ECM1: variants seen among roughly 807,000 people sequenced by gnomAD.
The protein encoded by ECM1 is secretory component p85.
In ECM1, 54 loss-of-function variants were observed where a neutral mutation model predicts 57.9. That is an observed-to-expected ratio of 0.93 (90% CI 0.75 to 1.17). The LOEUF (loss-of-function observed/expected upper bound fraction) is 1.17. ECM1 is among the 50% of genes most tolerant of loss of function. The probability of loss-of-function intolerance (pLI) is 0.00; values close to 1 mark genes in which losing one functional copy is unlikely to be tolerated. For missense variants in ECM1, 649 were observed against 688.1 expected, an observed-to-expected ratio of 0.94 and a Z score of 0.64; for synonymous variants, 237 against 259.1, an observed-to-expected ratio of 0.91 and a Z score of 0.82.
At chr1:150,508,354 G>T in intron 1 of ECM1, 75 bp downstream of exon 1, 1 of 1,360,054 alleles carries the variant, frequency 7.4e-7, no homozygotes, top group South Asian at 1.2e-5. Context: ...CATCCCAGAC[G>T]GCTCATCACT....
Position 150,513,652 on chromosome 1 carries a change from C to G in ECM1, c.*185C>G, listed in dbSNP as rs993603994. On this transcript the variant is annotated 3_prime_UTR_variant, in exon 10 of 10. Coordinates refer to ENST00000369047, the MANE Select transcript of ECM1 (RefSeq NM_004425.4). ...GAGGGCACTGGCGTTTTCAGACACA[C>G]CACAGACAAACACACCCTCCTAAGC... 1 of 602,988 alleles carries G rather than the reference C, an allele frequency of 1.7e-6. No individual in the cohort carries two copies. Among genetic ancestry groups the G allele is most frequent in the African/African-American group, 1.9e-5 (1 of 53,830 alleles). 37.4% of individuals were successfully genotyped at this position (602,988 alleles called of 1,614,324 possible). A position where few individuals can be genotyped will look rare whatever the true frequency, so the allele number is the denominator to read the frequency against.
In ECM1 at chr1:150,509,652, T is replaced by A; in HGVS notation, c.122-9T>A. The A allele has an allele frequency of 6.2e-7, 1 of 1,613,860 alleles. No homozygotes were observed. The highest frequency in any genetic ancestry group is 8.5e-7 in the Non-Finnish European group (1 of 1,179,862). On this transcript the variant is annotated splice_polypyrimidine_tract_variant and intron_variant, in intron 2 of 9. Transcript: ENST00000369047. The stretch of plus-strand genomic sequence containing the variant: ...CTGTGGGCTCTGATGTCTCCCCTCT[T>A]GCTTCTAGTTGGCTACGCAGCTCCC...
chr1:150,509,112 A>T (rs764305864), intron 1 of ECM1, among the ~76,000 whole-genome samples: 1 of 152,152 alleles, frequency 6.6e-6, no homozygotes. Flanking sequence ...GGGTGGGTGG[A>T]GGAGGTGGAT....
Position 150,512,402 on chromosome 1 carries a change from C to G in ECM1, c.1134C>G (p.Thr378=). 6.2e-7 allele frequency: 1 copy of G among 1,613,310 alleles called. No homozygotes were observed. The highest frequency in any genetic ancestry group is 2.2e-5 in the East Asian group (1 of 44,836). Residue 378 remains threonine (T), a synonymous_variant, in exon 8 of 10, where the codon ACC becomes ACG. Coordinates refer to ENST00000369047, the MANE Select transcript of ECM1 (RefSeq NM_004425.4). ...KYCDREYAVK[T]HHHLCCRHPP... is the part of the protein sequence containing the mutation. ...GTGACCGGGAGTATGCTGTGAAGAC[C>G]CACCACCACTTGTGTTGCCGCCACC...
intron 5 of ECM1, 152 bp from the exon 6 acceptor site, chr1:150,510,724 A>G (rs888447520): frequency 2.4e-6 from 2 of 827,074 alleles, no homozygotes; most frequent in Non-Finnish European, 4.0e-6. Flanking sequence ...CAGTTATTTT[A>G]AAAGGAAGAG....
rs368594405 is a variant in ECM1, at chr1:150,511,925, C to T, written c.1083+94C>T. On this transcript the variant is annotated intron_variant, in intron 7 of 9. Transcript: ENST00000369047. ...CCAGTCCATCCATCCATGTACCCCC[C>T]CTGCTGTGAGTGCGTCCACCCGTTC... 210 of 1,084,114 alleles carry T rather than the reference C, an allele frequency of 1.9e-4. No homozygotes were observed. The African/African-American group carries it at 3.1e-3, about 16-fold the overall frequency. The allele number at this position is 1,084,114 out of a possible 1,614,324, so 67.2% of individuals were successfully genotyped here. A position where few individuals can be genotyped will look rare whatever the true frequency, so the allele number is the denominator to read the frequency against.
chr1:150,509,142 T>TA (rs1290433408), intron 1 of ECM1, among the ~76,000 whole-genome samples: 3 of 152,108 alleles, frequency 2.0e-5, no homozygotes, highest in Non-Finnish European at 2.9e-5. Context: ...TCCAACCAGC[T>TA]CAAGGTCCAG....
At position 150,511,576 on chromosome 1, in the gene ECM1, G is replaced by A; in HGVS notation, c.828G>A (p.Gln276=). The change falls in exon 7 of 10, where the codon CAG becomes CAA. Residue 276 remains glutamine, a synonymous_variant. Coordinates refer to ENST00000369047, the MANE Select transcript of ECM1 (RefSeq NM_004425.4). ...CCTGCTTCCAGGAGGAAGCTCCCCA[G>A]CCACACTACCAGCTCCGGGCCTGCC... ...RFSCFQEEAP[Q]PHYQLRACPS... The A allele has an allele frequency of 6.2e-7, 1 of 1,614,144 alleles. No individual in the cohort carries two copies. Among genetic ancestry groups the A allele is most frequent in the Non-Finnish European group, 8.5e-7 (1 of 1,180,026 alleles).
In ECM1 at chr1:150,513,472, C is replaced by T; in HGVS notation, c.*5C>T. 1 of 1,611,700 alleles carries T rather than the reference C, an allele frequency of 6.2e-7. No individual in the cohort carries two copies. The highest frequency in any genetic ancestry group is 1.3e-5 in the African/African-American group (1 of 75,028). On this transcript the variant is annotated 3_prime_UTR_variant, in exon 10 of 10. Transcript: ENST00000369047. ...TCTGAGCCCAAGGAAGAATGAGTCACCCCAGAGCCCTAGAGGGTCAGATGG... is the reference window on the plus strand; with the variant it reads ...TCTGAGCCCAAGGAAGAATGAGTCATCCCAGAGCCCTAGAGGGTCAGATGG...
At position 150,511,772 on chromosome 1, in the gene ECM1, G is replaced by A. The variant is rs771974979; in HGVS notation, c.1024G>A (p.Glu342Lys). 1.8e-5 allele frequency: 29 copies of A among 1,613,722 alleles called. No individual in the cohort carries two copies. The highest frequency in any genetic ancestry group is 2.3e-5 in the Non-Finnish European group (27 of 1,179,724). ...GGAGCTGCTGGCACTGATCCAGCTGGAGAGGGAGTTCCAGCGCTGCTGCCG... is the reference window on the plus strand; with the variant it reads ...GGAGCTGCTGGCACTGATCCAGCTGAAGAGGGAGTTCCAGCGCTGCTGCCG... ...QRELLALIQL[E>K]REFQRCCRQG... is the part of the protein sequence containing the mutation. The change falls in exon 7 of 10, where the codon GAG becomes AAG. Residue 342 changes from glutamate (E) to lysine (K), a missense_variant. Transcript: ENST00000369047.
Position 150,508,113 on chromosome 1 carries a change from G to C in ECM1, c.-97G>C, listed in dbSNP as rs116220997. 8.6e-7 allele frequency: 1 copy of C among 1,161,076 alleles called. No homozygotes were observed. Among genetic ancestry groups the C allele is most frequent in the Admixed American group, 1.7e-5 (1 of 59,234 alleles). 71.9% of individuals were successfully genotyped at this position (1,161,076 alleles called of 1,614,324 possible). A position where few individuals can be genotyped will look rare whatever the true frequency, so the allele number is the denominator to read the frequency against. On this transcript the variant is annotated 5_prime_UTR_variant, in exon 1 of 10. Transcript: ENST00000369047. ...AGAGCTGGTCCTGAAGCTCACAACC[G>C]TAACAGCCACCAGACAAGCTTCAGT... is the stretch of plus-strand genomic sequence containing the variant.
chr1:150,511,867 TG>T (rs1275228872), intron 7 of ECM1, 36 bp downstream of exon 7: 1 of 1,572,324 alleles, frequency 6.4e-7, no homozygotes, highest in Admixed American at 1.8e-5. Flanking sequence ...AGAGCCTGTT[TG>T]CCTGCCTGCC....
Position 150,513,762 on chromosome 1 carries a change from G to A in ECM1, c.*295G>A. The A allele has an allele frequency of 2.9e-6, 1 of 341,310 alleles. No homozygotes were observed. Among genetic ancestry groups the A allele is most frequent in the Non-Finnish European group, 5.5e-6 (1 of 181,574 alleles). The allele number at this position is 341,310 out of a possible 1,614,324, so 21.1% of individuals were successfully genotyped here. A position where few individuals can be genotyped will look rare whatever the true frequency, so the allele number is the denominator to read the frequency against. Reference sequence around the variant, plus strand: ...AGCAGATGTTCACAGGCTGTGGGATGCGACCATAACTAAACAGCTTGACGT... The same window carrying A: ...AGCAGATGTTCACAGGCTGTGGGATACGACCATAACTAAACAGCTTGACGT... On this transcript the variant is annotated 3_prime_UTR_variant, in exon 10 of 10. Coordinates refer to ENST00000369047, the MANE Select transcript of ECM1 (RefSeq NM_004425.4).
chr1:150,511,381 G>A, intron 6 of ECM1, 76 bp from the exon 7 acceptor site: 5 of 1,609,372 alleles, frequency 3.1e-6, no homozygotes, highest in Middle Eastern at 1.7e-4. Flanking sequence ...TTATCTGCCT[G>A]CCCAGTGTCC....
At position 150,508,209 on chromosome 1, in the gene ECM1, G is replaced by A. The variant is rs955009724; in HGVS notation, c.-1G>A. 3.1e-6 allele frequency: 5 copies of A among 1,614,110 alleles called. No homozygotes were observed. The highest frequency in any genetic ancestry group is 3.3e-5 in the Admixed American group (2 of 60,030). The stretch of plus-strand genomic sequence containing the variant: ...AGTGTCCAGTGGTCAGTTGCCCCAG[G>A]ATGGGGACCACAGCCAGAGCAGCCT... On this transcript the variant is annotated 5_prime_UTR_variant, in exon 1 of 10. Coordinates refer to ENST00000369047, the MANE Select transcript of ECM1 (RefSeq NM_004425.4).
Position 150,510,160 on chromosome 1 carries a change from G to C in ECM1, c.363G>C (p.Gln121His), listed in dbSNP as rs1670399695. ...TCCAAAAAGAGCTGCCCTCTCTCCA[G>C]CACCCCAATGAACAGAAGGAAGGTA... Reference protein sequence around the residue: ...VPLQKELPSLQHPNEQKEGTP... With the variant: ...VPLQKELPSLHHPNEQKEGTP... The change falls in exon 5 of 10, where the codon CAG (glutamine) becomes CAC (histidine). Residue 121 changes from glutamine to histidine, a missense_variant. Coordinates refer to ENST00000369047, the MANE Select transcript of ECM1 (RefSeq NM_004425.4). The C allele has an allele frequency of 2.5e-6, 4 of 1,613,990 alleles. No homozygotes were observed. Among genetic ancestry groups the C allele is most frequent in the Non-Finnish European group, 3.4e-6 (4 of 1,179,938 alleles).
chr1:150,509,303 G>C (rs1417030022), intron 1 of ECM1: 1 of 615,188 alleles, frequency 1.6e-6, no homozygotes, highest in African/African-American at 1.8e-5. Context: ...TGAGCCAGTA[G>C]AGGTGGAGCT....
rs773696838 is a variant in ECM1, at chr1:150,509,677, C to T, written c.138C>T (p.Pro46=). The T allele has an allele frequency of 2.5e-6, 4 of 1,613,342 alleles. No homozygotes were observed. The highest frequency in any genetic ancestry group is 1.3e-5 in the African/African-American group (1 of 74,924). The change falls in exon 3 of 10, where the codon CCC becomes CCT. Residue 46 remains proline (P), a synonymous_variant. Coordinates refer to ENST00000369047, the MANE Select transcript of ECM1 (RefSeq NM_004425.4). ...EHFQEVGYAA[P]PSPPLSRSLP... Reference sequence around the variant, plus strand: ...TGCTTCTAGTTGGCTACGCAGCTCCCCCCTCCCCACCCCTATCCCGAAGCC... The same window carrying T: ...TGCTTCTAGTTGGCTACGCAGCTCCTCCCTCCCCACCCCTATCCCGAAGCC...
rs1003423184 is a variant in ECM1 at position 150,511,207 on chromosome 1, G to A, written c.708+9G>A. The A allele has an allele frequency of 2.6e-5, 42 of 1,613,992 alleles. No homozygotes were observed. The highest frequency in any genetic ancestry group is 3.2e-5 in the Non-Finnish European group (38 of 1,180,034). ...AGTGTGCCAAACTTGTGGTAAGGTTGGGTTCTTGATGCCGGGGGGTGTCCT... is the reference window on the plus strand; with the variant it reads ...AGTGTGCCAAACTTGTGGTAAGGTTAGGTTCTTGATGCCGGGGGGTGTCCT... On this transcript the variant is annotated intron_variant, in intron 6 of 9. Coordinates refer to ENST00000369047, the MANE Select transcript of ECM1 (RefSeq NM_004425.4).
Sources: gnomAD v4.1 joint callset for allele counts (sites outside exome capture counted in the v4.1 genomes callset) on GRCh38, gnomAD v4.1.1 for gene constraint, MANE v1.5 for transcripts, NCBI Gene and HGNC (gene_info 2026-07-23, HGNC 2026-07-21) for gene names.